The following EHMT1 variants were observed in gnomAD, a reference collection of about 807,000 sequenced individuals.
EHMT1 encodes histone-lysine N-methyltransferase EHMT1.
EHMT1 carries 15 observed loss-of-function variants against 147.2 expected under a neutral mutation model. That is an observed-to-expected ratio of 0.10 (90% CI 0.07 to 0.16). EHMT1 has a LOEUF of 0.16. Ranked by LOEUF, EHMT1 falls within the 10% of genes least tolerant of loss-of-function variation. The pLI, the probability that EHMT1 is intolerant of heterozygous loss-of-function variation, is 1.00. For synonymous variants in EHMT1, 795 were observed against 709.6 expected (o/e 1.12, Z -1.91); for missense variants, 1,587 against 1,772.4 (o/e 0.90, Z 1.88).
intron 15 of EHMT1, chr9:137,784,016 A>G (rs1264832024): frequency 1.6e-6 from 1 of 621,182 alleles, no homozygotes; most frequent in Non-Finnish European, 2.8e-6. Context: ...TGTAGTTTTA[A>G]TTTCTAGCTG....
intron 3 of EHMT1, among the ~76,000 whole-genome samples, chr9:137,723,985 G>A (rs2135696692): frequency 6.6e-6 from 1 of 152,366 alleles, no homozygotes; most frequent in African/African-American, 2.4e-5. Context: ...GAAGTCGCCG[G>A]AAGGGAACAT....
At position 137,671,285 on chromosome 9, in the gene EHMT1, G is replaced by A. The variant is rs77834911; in HGVS notation, c.22-39682G>A. On this transcript the variant is annotated intron_variant, in intron 1 of 26. Transcript: ENST00000460843. Reference sequence around the variant, plus strand: ...TTATTTCTGAATTGTGGGATTGCCAGTGATTTTGTATGTTTTGGAATATAA... The same window carrying A: ...TTATTTCTGAATTGTGGGATTGCCAATGATTTTGTATGTTTTGGAATATAA... Among the ~76,000 whole-genome samples the A allele has an allele frequency of 1.8e-3, 281 of 152,316 alleles. 1 individual carries two copies. The highest frequency in any genetic ancestry group is 6.4e-3 in the African/African-American group (266 of 41,556).
At chr9:137,804,918 T>A (rs1319382721) in intron 18 of EHMT1, among the ~76,000 whole-genome samples, 1 of 152,254 alleles carries the variant, frequency 6.6e-6, no homozygotes, top group Non-Finnish European at 1.5e-5. Flanking sequence ...ATTCCACATG[T>A]GTCAGTCATT....
intron 10 of EHMT1, among the ~76,000 whole-genome samples, chr9:137,769,557 C>T (rs1009321630): frequency 1.3e-5 from 2 of 151,788 alleles, no homozygotes; most frequent in African/African-American, 4.8e-5. Context: ...AGAGGTTACT[C>T]GAGTGTGGCT....
At chr9:137,711,806 G>T (rs184187330) in intron 2 of EHMT1, among the ~76,000 whole-genome samples, 1 of 152,132 alleles carries the variant, frequency 6.6e-6, no homozygotes, top group African/African-American at 2.4e-5. Flanking sequence ...GTGGTGTTCT[G>T]GCTGGACCCA....
intron 1 of EHMT1, among the ~76,000 whole-genome samples, chr9:137,644,041 C>T (rs550380647): frequency 1.3e-5 from 2 of 152,322 alleles, no homozygotes; most frequent in Admixed American, 1.3e-4. Flanking sequence ...AGGGCCGCTC[C>T]TCCCTTCTTG....
chr9:137,654,185 G>A (rs757743233), intron 1 of EHMT1, among the ~76,000 whole-genome samples: 6 of 152,116 alleles, frequency 3.9e-5, no homozygotes, highest in Non-Finnish European at 8.8e-5. Context: ...CCAACATGGC[G>A]AAACCCCATC....
At position 137,813,090 on chromosome 9, in the gene EHMT1, G is replaced by A. The variant is rs1445794997; in HGVS notation, c.2952G>A (p.Gln984=). ...TPLQCASLNS[Q]VWSALQMSKA... is the part of the protein sequence containing the mutation. ...TGCAGTGTGCGAGCCTCAACTCTCA[G>A]GTGTGGAGCGCTCTGCAGATGAGCA... Residue 984 remains glutamine, a synonymous_variant, in exon 20 of 27, where the codon CAG becomes CAA. Coordinates refer to ENST00000460843, the MANE Select transcript of EHMT1 (RefSeq NM_024757.5). The surrounding 1 kb of genome is among the most constrained non-coding windows in gnomAD (Gnocchi z 4.9). 3.7e-6 allele frequency: 6 copies of A among 1,613,610 alleles called. No individual in the cohort carries two copies. The Admixed American group carries it at 5.0e-5, about 13-fold the overall frequency.
chr9:137,834,516 G>T lies in EHMT1; in HGVS notation c.3708G>T (p.Glu1236Asp). The T allele has an allele frequency of 6.2e-7, 1 of 1,610,788 alleles. No homozygotes were observed. The change falls in exon 26 of 27, where the codon GAG (glutamate) becomes GAT (aspartate). Residue 1236 changes from glutamate (E) to aspartate (D), a missense_variant. Glu to Asp is a conservative substitution (Grantham distance 45). Coordinates refer to ENST00000460843, the MANE Select transcript of EHMT1 (RefSeq NM_024757.5). ...FFSTRLIEAG[E>D]QLGFDYGERF... ...GCACCCGCCTGATCGAGGCCGGCGAGCAGCTCGGGTACGCACCGCCCCGGC... is the reference window on the plus strand; with the variant it reads ...GCACCCGCCTGATCGAGGCCGGCGATCAGCTCGGGTACGCACCGCCCCGGC...
intron 18 of EHMT1, among the ~76,000 whole-genome samples, chr9:137,801,447 C>T (rs972473669): frequency 6.6e-6 from 1 of 152,056 alleles, no homozygotes; most frequent in African/African-American, 2.4e-5. Context: ...TCCGCCTCCC[C>T]AGTAGCTGGG....
At chr9:137,681,603 T>C (rs1242824425) in intron 1 of EHMT1, among the ~76,000 whole-genome samples, 1 of 152,126 alleles carries the variant, frequency 6.6e-6, no homozygotes, top group Non-Finnish European at 1.5e-5. Context: ...ATCTGTTTGC[T>C]TTCCTGATAC....
At chr9:137,716,566 G>A (rs967334227) in intron 2 of EHMT1, 60 bp from the exon 3 acceptor site, 4 of 1,495,832 alleles carry the variant, frequency 2.7e-6, no homozygotes, top group African/African-American at 2.8e-5. Flanking sequence ...AAGTGGTGGT[G>A]GTGGTGGTGC....
intron 15 of EHMT1, among the ~76,000 whole-genome samples, chr9:137,789,960 C>T (rs1952391888): frequency 6.6e-6 from 1 of 152,210 alleles, no homozygotes; most frequent in Non-Finnish European, 1.5e-5. Flanking sequence ...GAACGCCTGA[C>T]CTCAGGTGAT....
intron 1 of EHMT1, among the ~76,000 whole-genome samples, chr9:137,677,151 T>C (rs1232877638): frequency 1.3e-5 from 2 of 151,958 alleles, no homozygotes; most frequent in South Asian, 2.1e-4. Context: ...TTTTTTTTTT[T>C]AAGACAGAGT....
intron 2 of EHMT1, among the ~76,000 whole-genome samples, chr9:137,713,828 T>TA (rs1401111333): frequency 1.3e-5 from 2 of 151,898 alleles, no homozygotes; most frequent in African/African-American, 4.8e-5. Flanking sequence ...CTCGCACCTA[T>TA]AATCCCAGCT....
intron 25 of EHMT1, among the ~76,000 whole-genome samples, chr9:137,818,625 G>C (rs1216217301): frequency 1.3e-5 from 1 of 76,944 alleles, no homozygotes; most frequent in Non-Finnish European, 2.2e-5. Flanking sequence ...TAGAGAGGCC[G>C]ACTGAGGGGC....
chr9:137,790,591 T>C (rs1316645973), intron 15 of EHMT1, among the ~76,000 whole-genome samples: 1 of 152,238 alleles, frequency 6.6e-6, no homozygotes, highest in Non-Finnish European at 1.5e-5. Context: ...GTTGTCACAC[T>C]CCTGAGCTAT....
At chr9:137,799,583 G>C (rs975896169) in intron 17 of EHMT1, among the ~76,000 whole-genome samples, 2 of 152,148 alleles carry the variant, frequency 1.3e-5, no homozygotes, top group African/African-American at 2.4e-5. Flanking sequence ...TGCATGGATT[G>C]AGGCTGCTCA....
intron 1 of EHMT1, among the ~76,000 whole-genome samples, chr9:137,671,999 C>T (rs1255397408): frequency 6.6e-6 from 1 of 152,200 alleles, no homozygotes; most frequent in South Asian, 2.1e-4. Context: ...ACTTCCTGTC[C>T]AGCAGACATG....
Sources: allele counts gnomAD v4.1 joint callset (sites outside exome capture counted in the v4.1 genomes callset), GRCh38; gene constraint gnomAD v4.1.1; non-coding constraint Gnocchi (gnomAD v3.1); transcripts MANE v1.5; gene names NCBI Gene and HGNC (gene_info 2026-07-23, HGNC 2026-07-21).